Variants in RILPL1 observed in about 807,000 individuals in gnomAD.
The protein encoded by RILPL1 is RILP-like protein 1.
In RILPL1, 33 loss-of-function variants were observed where a neutral mutation model predicts 50.3. That is an observed-to-expected ratio of 0.66 (90% confidence interval 0.50 to 0.88). RILPL1 has a LOEUF of 0.88. Ranked by LOEUF, RILPL1 falls within the 40% of genes least tolerant of loss-of-function variation. RILPL1 has a pLI of 0.00. For synonymous variants in RILPL1, 205 were observed against 228.6 expected (o/e 0.90, Z 0.93); for missense variants, 418 against 542.5 (o/e 0.77, Z 2.28).
At position 123,498,632 on chromosome 12, in the gene RILPL1, T is replaced by C. The variant is rs922216593; in HGVS notation, c.713A>G (p.Gln238Arg). Residue 238 changes from glutamine (Q) to arginine (R), a missense_variant, in exon 4 of 7, where the codon CAG becomes CGG. Coordinates refer to ENST00000376874, the MANE Select transcript of RILPL1 (RefSeq NM_178314.5). This position sits in a 1 kb window ranked among gnomAD's most constrained non-coding sequence, Gnocchi z 4.3. ...CTCTGCTCGCAGGCTGCCCATCTCCTGCTCCTTGGTCTGCAGGTCTGCCTC... is the reference window on the plus strand; with the variant it reads ...CTCTGCTCGCAGGCTGCCCATCTCCCGCTCCTTGGTCTGCAGGTCTGCCTC... The part of the protein sequence containing the change: ...ELEADLQTKE[Q>R]EMGSLRAELG... 6.2e-7 allele frequency: 1 copy of C among 1,613,698 alleles called. No individual in the cohort carries two copies. The highest frequency in any genetic ancestry group is 1.3e-5 in the African/African-American group (1 of 74,922).
Position 123,533,458 on chromosome 12 carries a change from G to T in RILPL1, c.25C>A (p.Leu9Met). Residue 9 changes from leucine to methionine, a missense_variant, in exon 1 of 7, where the codon CTG (leucine) becomes ATG (methionine). Coordinates refer to ENST00000376874, the MANE Select transcript of RILPL1 (RefSeq NM_178314.5). The surrounding 1 kb of genome is among the most constrained non-coding windows in gnomAD (Gnocchi z 6.2). Reference sequence around the variant, plus strand: ...TTCTCCAGCGCCGACTCGGCCGCCAGCGCCGACCCCCGCTCCTCCTCCATG... The same window carrying T: ...TTCTCCAGCGCCGACTCGGCCGCCATCGCCGACCCCCGCTCCTCCTCCATG... MEEERGSA[L>M]AAESALEKNV... 1.3e-6 allele frequency: 2 copies of T among 1,529,562 alleles called. No individual in the cohort carries two copies. The highest frequency in any genetic ancestry group is 8.8e-7 in the Non-Finnish European group (1 of 1,135,736). The allele number at this position is 1,529,562 out of a possible 1,614,324, so 94.7% of individuals were successfully genotyped here. A position where few individuals can be genotyped will look rare whatever the true frequency, so the allele number is the denominator to read the frequency against.
At position 123,489,671 on chromosome 12, in the gene RILPL1, T is replaced by TAA. The variant is rs35865984; in HGVS notation, c.802-3868_802-3867dup. Among the ~76,000 whole-genome samples, 6 of 142,780 alleles carry TAA rather than the reference T, an allele frequency of 4.2e-5. No homozygotes were observed. Among genetic ancestry groups the TAA allele is most frequent in the African/African-American group, 1.3e-4 (5 of 38,550 alleles). The allele number at this position is 142,780 out of a possible 152,430, so 93.7% of individuals were successfully genotyped here. A position where few individuals can be genotyped will look rare whatever the true frequency, so the allele number is the denominator to read the frequency against. ...AGAGCGACAGAGTAAGACTCCATCT[T>TAA]AAAAAAAAAAAAAATAGTGCACAGA... On this transcript the variant is annotated intron_variant, in intron 4 of 6. Coordinates refer to ENST00000376874, the MANE Select transcript of RILPL1 (RefSeq NM_178314.5). The surrounding 1 kb of genome is among the most constrained non-coding windows in gnomAD (Gnocchi z 4.0).
At chr12:123,511,388 G>GT (rs751487732) in intron 2 of RILPL1, among the ~76,000 whole-genome samples, 21 of 137,464 alleles carry the variant, frequency 1.5e-4, no homozygotes, top group Non-Finnish European at 2.8e-4. Flanking sequence ...CTGTGTGTGT[G>GT]GTGTGTGAGG....
chr12:123,527,050 G>A (rs532154563), intron 1 of RILPL1, among the ~76,000 whole-genome samples: 1 of 152,290 alleles, frequency 6.6e-6, no homozygotes, highest in Non-Finnish European at 1.5e-5. Context: ...AGGATCTTAG[G>A]CATGGCACGG....
intron 2 of RILPL1, among the ~76,000 whole-genome samples, chr12:123,516,955 G>A (rs1191690860): frequency 6.6e-6 from 1 of 152,130 alleles, no homozygotes; most frequent in East Asian, 1.9e-4. Flanking sequence ...CAGCTACTTG[G>A]GAGGCTGAGG....
intron 6 of RILPL1, among the ~76,000 whole-genome samples, chr12:123,478,241 T>TC (rs1355465009): frequency 1.3e-5 from 2 of 151,658 alleles, no homozygotes; most frequent in Non-Finnish European, 2.9e-5. Context: ...CCTCAAGCGA[T>TC]CCCCCCACCT....
At chr12:123,494,574 C>T (rs1297556167) in intron 4 of RILPL1, among the ~76,000 whole-genome samples, 1 of 152,212 alleles carries the variant, frequency 6.6e-6, no homozygotes, top group Non-Finnish European at 1.5e-5. Flanking sequence ...CAGGCCCTGC[C>T]TGGCCAGGAG....
At chr12:123,495,677 G>GTTTT (rs33979230) in intron 4 of RILPL1, among the ~76,000 whole-genome samples, 1 of 103,398 alleles carries the variant, frequency 9.7e-6, no homozygotes, top group Non-Finnish European at 1.9e-5. Flanking sequence ...CCTGGCCCCA[G>GTTTT]TTTTTTTTTT....
At chr12:123,503,176 C>T (rs1322517979) in intron 2 of RILPL1, among the ~76,000 whole-genome samples, 3 of 143,352 alleles carry the variant, frequency 2.1e-5, no homozygotes, top group Non-Finnish European at 3.0e-5. Flanking sequence ...CGTGAACCAC[C>T]ACGCCTGGCC....
At chr12:123,504,472 C>T (rs536999517) in intron 2 of RILPL1, among the ~76,000 whole-genome samples, 1 of 152,218 alleles carries the variant, frequency 6.6e-6, no homozygotes, top group African/African-American at 2.4e-5. Context: ...AGGCCTGGGT[C>T]CTGAGCTTGA....
At chr12:123,509,262 C>T (rs1566133426) in intron 2 of RILPL1, among the ~76,000 whole-genome samples, 1 of 152,158 alleles carries the variant, frequency 6.6e-6, no homozygotes, top group African/African-American at 2.4e-5. Context: ...GTTACTCAGC[C>T]TTAAAAAAGG....
intron 4 of RILPL1, among the ~76,000 whole-genome samples, chr12:123,497,337 T>A (rs1371939697): frequency 6.6e-6 from 1 of 151,932 alleles, no homozygotes; most frequent in Non-Finnish European, 1.5e-5. Context: ...TCCTGCCTCA[T>A]CTTCCCAAGT....
chr12:123,521,003 G>A (rs2139381188), intron 2 of RILPL1, among the ~76,000 whole-genome samples: 1 of 152,288 alleles, frequency 6.6e-6, no homozygotes, highest in Non-Finnish European at 1.5e-5. Context: ...CAGCTGATCT[G>A]GGTTCACTTC....
At position 123,489,489 on chromosome 12, in the gene RILPL1, C is replaced by G. The variant is rs896666245; in HGVS notation, c.802-3684G>C. On this transcript the variant is annotated intron_variant, in intron 4 of 6. Transcript: ENST00000376874. The surrounding 1 kb of genome is among the most constrained non-coding windows in gnomAD (Gnocchi z 4.0). ...ACCAGCCTGGCCAACATGGTGAAAC[C>G]CCGTCTCTACTAAAAAACACAAAAA... Among the ~76,000 whole-genome samples, 14 of 151,890 alleles carry G rather than the reference C, an allele frequency of 9.2e-5. No individual in the cohort carries two copies. The highest frequency in any genetic ancestry group is 9.2e-4 in the Admixed American group (14 of 15,238).
chr12:123,503,609 T>C (rs948428120), intron 2 of RILPL1, among the ~76,000 whole-genome samples: 3 of 152,160 alleles, frequency 2.0e-5, no homozygotes, highest in East Asian at 1.9e-4. Flanking sequence ...CGTGGCCTTC[T>C]CCTCTTCTGT....
intron 1 of RILPL1, among the ~76,000 whole-genome samples, chr12:123,529,646 T>C (rs1210610963): frequency 6.6e-6 from 1 of 151,490 alleles, no homozygotes; most frequent in Non-Finnish European, 1.5e-5. Context: ...CCCAGCACTT[T>C]GGGAGGACAA....
At chr12:123,520,449 C>A (rs1014396494) in intron 2 of RILPL1, among the ~76,000 whole-genome samples, 19 of 152,190 alleles carry the variant, frequency 1.2e-4, no homozygotes. Flanking sequence ...GTCGTAGCTA[C>A]TTGGGAGGCT....
intron 4 of RILPL1, among the ~76,000 whole-genome samples, chr12:123,488,650 G>T (rs1235490053): frequency 6.6e-6 from 1 of 152,164 alleles, no homozygotes; most frequent in Non-Finnish European, 1.5e-5. Flanking sequence ...CACTGCTGGG[G>T]CACGTCAGGT....
chr12:123,521,694 T>C (rs1320515132), intron 2 of RILPL1, among the ~76,000 whole-genome samples: 2 of 48,526 alleles, frequency 4.1e-5, no homozygotes, highest in Non-Finnish European at 8.2e-5. Flanking sequence ...TACACACATA[T>C]ATGTATATAT....
Sources: gnomAD v4.1 joint callset for allele counts (sites outside exome capture counted in the v4.1 genomes callset) on GRCh38, gnomAD v4.1.1 for gene constraint, Gnocchi (gnomAD v3.1) non-coding constraint, MANE v1.5 for transcripts, NCBI Gene and HGNC (gene_info 2026-07-23, HGNC 2026-07-21) for gene names.